ATP11A: variants seen among roughly 807,000 people sequenced by gnomAD.
ATP11A encodes the protein phospholipid-transporting ATPase IH.
A neutral mutation model predicts 154.4 loss-of-function variants in ATP11A; 81 were observed. The ratio of observed to expected loss-of-function variants is 0.52; its 90% CI spans 0.44 to 0.63. The LOEUF (loss-of-function observed/expected upper bound fraction) is 0.63. Among genes scored for constraint, ATP11A ranks in the 30% least tolerant of loss-of-function variants. The pLI, the probability that ATP11A is intolerant of heterozygous loss-of-function variation, is 0.00. For missense variants in ATP11A, 1,316 were observed against 1,474.3 expected (o/e 0.89, Z 1.76); for synonymous variants, 623 against 585.9 (o/e 1.06, Z -0.91).
In ATP11A at chr13:112,845,387, A is replaced by G. The variant is rs183954831; in HGVS notation, c.1809+3008A>G. On this transcript the variant is annotated intron_variant, in intron 17 of 29. Coordinates refer to ENST00000375645, the MANE Select transcript of ATP11A (RefSeq NM_015205.3). ...AGCGGTACTATTCAGTCCAGTTGCC[A>G]GCACTAGCGGTACTATTCAGTCCAG... 3.8e-5 allele frequency among the ~76,000 whole-genome samples: 4 copies of G among 104,092 alleles called. 1 individual carries two copies. Among genetic ancestry groups the G allele is most frequent in the African/African-American group, 1.9e-4 (3 of 15,620 alleles). 68.3% of individuals were successfully genotyped at this position (104,092 alleles called of 152,430 possible).
chr13:112,741,573 G>A (rs1204721098), intron 1 of ATP11A, among the ~76,000 whole-genome samples: 1 of 152,194 alleles, frequency 6.6e-6, no homozygotes. Context: ...CTAGCCAACT[G>A]GGGCAGGCCA....
At chr13:112,796,639 G>T (rs1301895986) in intron 2 of ATP11A, among the ~76,000 whole-genome samples, 3 of 152,190 alleles carry the variant, frequency 2.0e-5, no homozygotes, top group African/African-American at 7.2e-5. Flanking sequence ...GAACAGTAAG[G>T]TAATAAATTT....
chr13:112,730,888 C>T (rs536791766), intron 1 of ATP11A, among the ~76,000 whole-genome samples: 10 of 152,232 alleles, frequency 6.6e-5, no homozygotes, highest in South Asian at 2.1e-4. Context: ...AGTGTGTCTT[C>T]GGGCAGCACT....
Position 112,873,554 on chromosome 13 carries a change from C to CTTTTTTTTTTTTTTTTTTTTTTT in ATP11A, c.3058-9_3058-8insTTTTTTTTTTTTTTTTTTTTTTT. 1 of 1,370,380 alleles carries CTTTTTTTTTTTTTTTTTTTTTTT rather than the reference C, an allele frequency of 7.3e-7. No homozygotes were observed. The allele number at this position is 1,370,380 out of a possible 1,614,324, so 84.9% of individuals were successfully genotyped here. A position where few individuals can be genotyped will look rare whatever the true frequency, so the allele number is the denominator to read the frequency against. On this transcript the variant is annotated intron_variant, in intron 26 of 29. Transcript: ENST00000375645. ...TGCTCAGATGACACCGTTAACTGCC[C>CTTTTTTTTTTTTTTTTTTTTTTT]TTTTTTTTTTCCTTTTAGCTTGCAT...
chr13:112,772,873 T>G (rs1263508089), intron 1 of ATP11A, among the ~76,000 whole-genome samples: 1 of 152,240 alleles, frequency 6.6e-6, no homozygotes, highest in African/African-American at 2.4e-5. Context: ...TTCCGCCTTG[T>G]CTTTTCTATT....
Position 112,882,343 on chromosome 13 carries a change from A to C in ATP11A, c.*477A>C. On this transcript the variant is annotated 3_prime_UTR_variant, in exon 30 of 30. Coordinates refer to ENST00000375645, the MANE Select transcript of ATP11A (RefSeq NM_015205.3). This position sits in a 1 kb window ranked among gnomAD's most constrained non-coding sequence, Gnocchi z 5.1. Reference sequence around the variant, plus strand: ...TGGCCTTTGCTGTCACTGGGAGAGAAGAGCCGTCCAGGGACCCATGGTGGC... The same window carrying C: ...TGGCCTTTGCTGTCACTGGGAGAGACGAGCCGTCCAGGGACCCATGGTGGC... 1 of 374,066 alleles carries C rather than the reference A, an allele frequency of 2.7e-6. No individual in the cohort carries two copies. The highest frequency in any genetic ancestry group is 2.1e-5 in the African/African-American group (1 of 47,834). The allele number at this position is 374,066 out of a possible 1,614,324, so 23.2% of individuals were successfully genotyped here. A position where few individuals can be genotyped will look rare whatever the true frequency, so the allele number is the denominator to read the frequency against.
Position 112,859,146 on chromosome 13 carries a change from C to A in ATP11A, c.2668-247C>A. 1.9e-6 allele frequency: 1 copy of A among 518,754 alleles called. No homozygotes were observed. The highest frequency in any genetic ancestry group is 3.5e-6 in the Non-Finnish European group (1 of 284,988). The allele number at this position is 518,754 out of a possible 1,614,324, so 32.1% of individuals were successfully genotyped here. ...TTTATACTGATACCTGCATTGCCTT[C>A]TTGTTTCTCTTGGAGCTGACAAATT... On this transcript the variant is annotated intron_variant, in intron 22 of 29. Coordinates refer to ENST00000375645, the MANE Select transcript of ATP11A (RefSeq NM_015205.3). The surrounding 1 kb of genome is among the most constrained non-coding windows in gnomAD (Gnocchi z 4.3).
At chr13:112,772,393 C>T (rs763608908) in intron 1 of ATP11A, among the ~76,000 whole-genome samples, 14 of 152,092 alleles carry the variant, frequency 9.2e-5, no homozygotes, top group African/African-American at 3.4e-4. Flanking sequence ...CAGCCTGTCG[C>T]GAGTGTGTAG....
chr13:112,730,860 G>A (rs1023548461), intron 1 of ATP11A, among the ~76,000 whole-genome samples: 1 of 152,332 alleles, frequency 6.6e-6, no homozygotes, highest in African/African-American at 2.4e-5. Context: ...GCAGCAGGTC[G>A]GTGGCAGGGT....
At chr13:112,769,178 C>T (rs887710166) in intron 1 of ATP11A, among the ~76,000 whole-genome samples, 1 of 152,190 alleles carries the variant, frequency 6.6e-6, no homozygotes, top group Non-Finnish European at 1.5e-5. Context: ...CGGCCTCCCC[C>T]ACTTGCCTTT....
chr13:112,802,907 A>G (rs1259221652), intron 2 of ATP11A, among the ~76,000 whole-genome samples: 1 of 152,196 alleles, frequency 6.6e-6, no homozygotes, highest in Admixed American at 6.5e-5. Context: ...CATGGAAAAT[A>G]AGGGTGTTTG....
chr13:112,769,655 G>A (rs949005083), intron 1 of ATP11A, among the ~76,000 whole-genome samples: 1 of 152,218 alleles, frequency 6.6e-6, no homozygotes, highest in East Asian at 1.9e-4. Flanking sequence ...GCAGAAACAC[G>A]TGGCCATGAG....
At chr13:112,771,386 C>T (rs753324615) in intron 1 of ATP11A, among the ~76,000 whole-genome samples, 1 of 152,208 alleles carries the variant, frequency 6.6e-6, no homozygotes, top group Non-Finnish European at 1.5e-5. Flanking sequence ...GGTTCTGGGA[C>T]GGGCGCAGGT....
At chr13:112,732,446 C>CTCTCTCTCCAGCTCTG (rs949510781) in intron 1 of ATP11A, among the ~76,000 whole-genome samples, 1 of 152,108 alleles carries the variant, frequency 6.6e-6, no homozygotes, top group Non-Finnish European at 1.5e-5. Context: ...CTCTCCATCT[C>CTCTCTCTCCAGCTCTG]TCTCTCTCCA....
chr13:112,793,672 G>A (rs112411336), intron 2 of ATP11A, among the ~76,000 whole-genome samples: 1,853 of 152,336 alleles, frequency 0.012, 44 homozygotes, highest in African/African-American at 0.042. Flanking sequence ...ATGGGTGTCC[G>A]GCGTCCCCGC....
At chr13:112,871,630 G>A in intron 25 of ATP11A, 105 bp from the exon 26 acceptor site, 4 of 1,067,798 alleles carry the variant, frequency 3.7e-6, no homozygotes, top group Non-Finnish European at 5.8e-6. Context: ...GGTTTGAAGT[G>A]TTGGCACACA....
At chr13:112,784,844 G>A (rs1489273883) in intron 1 of ATP11A, among the ~76,000 whole-genome samples, 4 of 152,146 alleles carry the variant, frequency 2.6e-5, no homozygotes, top group Admixed American at 6.6e-5. Context: ...TTATGTACAC[G>A]CCCTGAGCTG....
intron 1 of ATP11A, among the ~76,000 whole-genome samples, chr13:112,702,078 G>A (rs573955014): frequency 7.2e-5 from 11 of 151,938 alleles, no homozygotes; most frequent in Non-Finnish European, 1.6e-4. Flanking sequence ...TGGTGCGATG[G>A]GTCAAGCCTG....
chr13:112,713,658 C>T (rs930748091), intron 1 of ATP11A, among the ~76,000 whole-genome samples: 3 of 152,182 alleles, frequency 2.0e-5, no homozygotes. Flanking sequence ...TTGTTTCAGG[C>T]AGAGTGGACA....
Sources: allele counts gnomAD v4.1 joint callset (sites outside exome capture counted in the v4.1 genomes callset), GRCh38; gene constraint gnomAD v4.1.1; non-coding constraint Gnocchi (gnomAD v3.1); transcripts MANE v1.5; gene names NCBI Gene and HGNC (gene_info 2026-07-23, HGNC 2026-07-21).